The following SENP7 variants were observed in gnomAD, a reference collection of about 807,000 sequenced individuals.
SENP7 encodes SUMO specific peptidase 7, also known as sentrin-specific protease 7.
A neutral mutation model predicts 141.2 loss-of-function variants in SENP7; 64 were observed. The ratio of observed to expected loss-of-function variants is 0.45; its 90% CI spans 0.37 to 0.56. The LOEUF (loss-of-function observed/expected upper bound fraction) is 0.56. SENP7 is among the 20% of genes least tolerant of loss of function. SENP7 has a pLI of 0.00. For missense variants in SENP7, 1,025 were observed against 1,212.2 expected (o/e 0.85, Z 2.29); for synonymous variants, 382 against 426.4 (o/e 0.90, Z 1.28).
intron 10 of SENP7, 65 bp downstream of exon 10, chr3:101,364,769 A>T (rs1460127714): frequency 4.3e-6 from 5 of 1,149,646 alleles, no homozygotes; most frequent in Non-Finnish European, 4.8e-6. Flanking sequence ...GATAAAACAA[A>T]TAACAGTCAT....
At chr3:101,426,703 A>T (rs1041912223) in intron 4 of SENP7, among the ~76,000 whole-genome samples, 3 of 151,986 alleles carry the variant, frequency 2.0e-5, no homozygotes, top group African/African-American at 7.3e-5. Flanking sequence ...CCTGATCTTG[A>T]ACGCCAGACC....
At chr3:101,477,442 T>TA (rs2064263536) in intron 3 of SENP7, among the ~76,000 whole-genome samples, 1 of 151,856 alleles carries the variant, frequency 6.6e-6, no homozygotes, top group Non-Finnish European at 1.5e-5. Context: ...AAAGCACTAT[T>TA]AAGAGAGAAA....
intron 4 of SENP7, among the ~76,000 whole-genome samples, chr3:101,431,475 C>G (rs2062167221): frequency 8.1e-6 from 1 of 123,556 alleles, no homozygotes; most frequent in Admixed American, 8.1e-5. Flanking sequence ...GGTTTAAAGT[C>G]TGTTTTATCA....
At chr3:101,463,396 T>TACATATATATATATATATATAC (rs1559865500) in intron 3 of SENP7, among the ~76,000 whole-genome samples, 60 of 82,808 alleles carry the variant, frequency 7.2e-4, no homozygotes, top group Non-Finnish European at 1.3e-3. Context: ...TATATATATA[T>TACATATATATATATATATATAC]ACATATATAT....
chr3:101,414,762 T>A (rs1261804157), intron 5 of SENP7: 1 of 593,736 alleles, frequency 1.7e-6, no homozygotes, highest in East Asian at 2.8e-5. Context: ...GTAATGCATA[T>A]GTCACTTGCC....
intron 3 of SENP7, among the ~76,000 whole-genome samples, chr3:101,482,317 A>G (rs1023739380): frequency 3.4e-5 from 5 of 147,424 alleles, no homozygotes; most frequent in Non-Finnish European, 6.0e-5. Context: ...TGTCTCAACA[A>G]AAAAAAAAAA....
chr3:101,441,576 C>T (rs567980844), intron 4 of SENP7, among the ~76,000 whole-genome samples: 46 of 152,224 alleles, frequency 3.0e-4, no homozygotes, highest in African/African-American at 1.1e-3. Flanking sequence ...TGCCCAAGTA[C>T]ATTGCCAATG....
chr3:101,487,240 G>T (rs1331932695), intron 3 of SENP7, among the ~76,000 whole-genome samples: 7 of 151,964 alleles, frequency 4.6e-5, no homozygotes, highest in Non-Finnish European at 1.0e-4. Flanking sequence ...AGACACAATG[G>T]ATTTAAACCA....
intron 1 of SENP7, 63 bp downstream of exon 1, chr3:101,513,028 T>A: frequency 6.4e-7 from 1 of 1,553,532 alleles, no homozygotes; most frequent in African/African-American, 1.4e-5. Context: ...AGCTGCCGCC[T>A]GCGCCTCCCG....
intron 4 of SENP7, among the ~76,000 whole-genome samples, chr3:101,422,529 A>G (rs775034085): frequency 1.4e-4 from 21 of 152,242 alleles, no homozygotes; most frequent in East Asian, 3.8e-4. Flanking sequence ...GCAGCTAAAC[A>G]GAGAACTCCA....
chr3:101,481,539 A>G (rs760747363), intron 3 of SENP7, among the ~76,000 whole-genome samples: 22 of 152,218 alleles, frequency 1.4e-4, no homozygotes, highest in Admixed American at 1.3e-4. Flanking sequence ...GGCTACAAAC[A>G]TACAGCTAGA....
intron 4 of SENP7, among the ~76,000 whole-genome samples, chr3:101,424,381 C>T (rs1032289193): frequency 3.3e-5 from 5 of 150,970 alleles, no homozygotes; most frequent in African/African-American, 1.2e-4. Flanking sequence ...TTCTTTGCCC[C>T]AGCAGCATGT....
intron 6 of SENP7, among the ~76,000 whole-genome samples, chr3:101,391,515 T>C (rs1001953685): frequency 4.6e-5 from 7 of 152,054 alleles, no homozygotes; most frequent in African/African-American, 1.7e-4. Context: ...CCTAGAGACA[T>C]ACAACCTACA....
At chr3:101,414,650 C>T in intron 5 of SENP7, 1 of 1,441,402 alleles carries the variant, frequency 6.9e-7, no homozygotes, top group Non-Finnish European at 9.7e-7. Context: ...TTGCCAGTGG[C>T]CATGGGGGCT....
chr3:101,439,609 G>A (rs1482673457), intron 4 of SENP7, among the ~76,000 whole-genome samples: 9 of 19,144 alleles, frequency 4.7e-4, no homozygotes, highest in African/African-American at 1.2e-3. Context: ...GCCTCTGCCC[G>A]GCCGCCCCTA....
intron 17 of SENP7, chr3:101,333,123 G>A (rs2059097496): frequency 2.5e-6 from 1 of 400,660 alleles, no homozygotes; most frequent in Middle Eastern, 6.5e-4. Flanking sequence ...AAAACTGGCT[G>A]TGCAACTTAG....
At chr3:101,452,152 TAC>T (rs1385829051) in intron 4 of SENP7, among the ~76,000 whole-genome samples, 1 of 151,818 alleles carries the variant, frequency 6.6e-6, no homozygotes, top group African/African-American at 2.4e-5. Flanking sequence ...GAATCCAACT[TAC>T]AAGGGATGTG....
intron 12 of SENP7, 74 bp from the exon 13 acceptor site, chr3:101,348,125 CTTG>C: frequency 1.1e-6 from 1 of 872,798 alleles, no homozygotes; most frequent in Non-Finnish European, 1.7e-6. Flanking sequence ...TTATATGACA[CTTG>C]TTAATACACT....
At chr3:101,398,215 T>C (rs1006397403) in intron 6 of SENP7, among the ~76,000 whole-genome samples, 13 of 152,194 alleles carry the variant, frequency 8.5e-5, no homozygotes, top group African/African-American at 2.9e-4. Context: ...ATGCCAGCCC[T>C]TTGGGAGGCT....
Sources: gnomAD v4.1 joint callset for allele counts (sites outside exome capture counted in the v4.1 genomes callset) on GRCh38, gnomAD v4.1.1 for gene constraint, MANE v1.5 for transcripts, NCBI Gene and HGNC (gene_info 2026-07-23, HGNC 2026-07-21) for gene names.